DECR2: variants seen among roughly 807,000 people sequenced by gnomAD.
DECR2 encodes peroxisomal 2,4-dienoyl-CoA reductase [(3E)-enoyl-CoA-producing].
Under a neutral mutation model 29.2 loss-of-function variants are expected in DECR2, and 34 were observed. That is an observed-to-expected ratio of 1.16 (90% CI 0.89 to 1.55). The LOEUF (loss-of-function observed/expected upper bound fraction) is 1.55, where lower values mean the gene tolerates loss of function less well. Among genes scored for constraint, DECR2 ranks in the 40% most tolerant of loss-of-function variants. The probability of loss-of-function intolerance (pLI) is 0.00; values close to 1 mark genes in which losing one functional copy is unlikely to be tolerated. For missense variants in DECR2, 485 were observed against 425.3 expected (o/e 1.14, Z -1.23); for synonymous variants, 224 against 182.7 (o/e 1.23, Z -1.82).
rs867053311 is a variant in DECR2 at position 401,991 on chromosome 16, G to T, written c.28G>T (p.Gly10Trp). MAQPPPDVE[G>W]DDCLPAYRHL... The stretch of plus-strand genomic sequence containing the variant: ...GGCCCAGCCGCCGCCCGACGTGGAG[G>T]GGGACGACTGTCTCCCCGCGTACCG... The change falls in exon 1 of 9, where the codon GGG becomes TGG. Residue 10 changes from glycine (G) to tryptophan (W), a missense_variant. Transcript: ENST00000219481. 1 of 1,490,754 alleles carries T rather than the reference G, an allele frequency of 6.7e-7. No homozygotes were observed. The highest frequency in any genetic ancestry group is 8.9e-7 in the Non-Finnish European group (1 of 1,128,418). The allele number at this position is 1,490,754 out of a possible 1,614,324, so 92.3% of individuals were successfully genotyped here. A position where few individuals can be genotyped will look rare whatever the true frequency, so the allele number is the denominator to read the frequency against.
In DECR2 at chr16:411,175, G is replaced by A. The variant is rs532710219; in HGVS notation, c.661+99G>A. 8 of 1,288,950 alleles carry A rather than the reference G, an allele frequency of 6.2e-6. No individual in the cohort carries two copies. The Middle Eastern group carries it at 9.5e-4, about 153-fold the overall frequency. 79.8% of individuals were successfully genotyped at this position (1,288,950 alleles called of 1,614,324 possible). A position where few individuals can be genotyped will look rare whatever the true frequency, so the allele number is the denominator to read the frequency against. On this transcript the variant is annotated intron_variant, in intron 7 of 8. Transcript: ENST00000219481. ...ACCTTGGCAGGGTGTATGTTGAAAAGCCCTGTGCTGGTTCCATGGTGGCAA... is the reference window on the plus strand; with the variant it reads ...ACCTTGGCAGGGTGTATGTTGAAAAACCCTGTGCTGGTTCCATGGTGGCAA...
chr16:410,351 A>C lies in DECR2; in HGVS notation c.446A>C (p.Tyr149Ser). The change falls in exon 5 of 9, where the codon TAT becomes TCT. Residue 149 changes from tyrosine to serine, a missense_variant. Coordinates refer to ENST00000219481, the MANE Select transcript of DECR2 (RefSeq NM_020664.4). This position sits in a 1 kb window ranked among gnomAD's most constrained non-coding sequence, Gnocchi z 4.1. ...ACCTTCAATGTGTCTCGTGTGCTCT[A>C]TGAGAAGTTCTTCCGGGTGGGTGCC... ...SGTFNVSRVL[Y>S]EKFFRDHGGV... 6.2e-7 allele frequency: 1 copy of C among 1,608,008 alleles called. No homozygotes were observed. Among genetic ancestry groups the C allele is most frequent in the Non-Finnish European group, 8.5e-7 (1 of 1,176,490 alleles).
intron 3 of DECR2, chr16:406,783 A>C: frequency 1.4e-6 from 1 of 724,562 alleles, no homozygotes; most frequent in Non-Finnish European, 1.8e-6. Flanking sequence ...TACAGGTGTG[A>C]ACCACTGTGC....
In DECR2 at chr16:411,367, C is replaced by G; in HGVS notation, c.668C>G (p.Pro223Arg). 1 of 1,606,720 alleles carries G rather than the reference C, an allele frequency of 6.2e-7. No individual in the cohort carries two copies. Among genetic ancestry groups the G allele is most frequent in the Non-Finnish European group, 8.5e-7 (1 of 1,179,016 alleles). ...GTEGLRRLGG[P>R]QASLSTKVTA... ...GCCTTCTGCTGCCCTCCAGGTGGCCCTCAGGCCAGCCTGAGCACCAAGGTC... is the reference window on the plus strand; with the variant it reads ...GCCTTCTGCTGCCCTCCAGGTGGCCGTCAGGCCAGCCTGAGCACCAAGGTC... Residue 223 changes from proline (P) to arginine (R), a missense_variant, in exon 8 of 9, where the codon CCT becomes CGT. Physicochemically the swap from Pro to Arg is moderately radical, Grantham distance 103. Transcript: ENST00000219481.
chr16:407,702 A>G, intron 4 of DECR2, 142 bp downstream of exon 4: 3 of 1,348,498 alleles, frequency 2.2e-6, no homozygotes, highest in Middle Eastern at 2.5e-4. Flanking sequence ...CCATCCAGGT[A>G]CCTGAGGCCA....
At position 402,030 on chromosome 16, in the gene DECR2, C is replaced by G. The variant is rs755397136; in HGVS notation, c.67C>G (p.Pro23Ala). Residue 23 changes from proline to alanine, a missense_variant, in exon 1 of 9, where the codon CCG becomes GCG. Physicochemically the swap from Pro to Ala is conservative, Grantham distance 27. Coordinates refer to ENST00000219481, the MANE Select transcript of DECR2 (RefSeq NM_020664.4). ...CCCCGCGTACCGCCACCTCTTCTGC[C>G]CGGACCTGCTGCGGTGAGCGGGGCC... ...CLPAYRHLFC[P>A]DLLRDKVAFI... is the part of the protein sequence containing the mutation. 1 of 1,474,922 alleles carries G rather than the reference C, an allele frequency of 6.8e-7. No individual in the cohort carries two copies. Among genetic ancestry groups the G allele is most frequent in the South Asian group, 1.3e-5 (1 of 77,278 alleles). The allele number at this position is 1,474,922 out of a possible 1,614,324, so 91.4% of individuals were successfully genotyped here.
intron 2 of DECR2, chr16:405,636 A>G (rs2054715491): frequency 1.5e-6 from 2 of 1,291,978 alleles, no homozygotes; most frequent in Non-Finnish European, 2.0e-6. Context: ...CCAAAGAACA[A>G]GGCAGACAGA....
chr16:404,275 G>A (rs1438785144), intron 1 of DECR2, among the ~76,000 whole-genome samples: 2 of 151,666 alleles, frequency 1.3e-5, no homozygotes, highest in African/African-American at 2.4e-5. Context: ...TTTCGCTCTT[G>A]TTGCCCAGGC....
chr16:410,378 C>T lies in DECR2; in HGVS notation c.462+11C>T, dbSNP rs767288280. The T allele has an allele frequency of 2.3e-5, 36 of 1,589,916 alleles. No homozygotes were observed. Among genetic ancestry groups the T allele is most frequent in the South Asian group, 1.0e-4 (9 of 88,984 alleles). ...GAGAAGTTCTTCCGGGTGGGTGCCT[C>T]GTGCGCTCTGTGAGAAGTTCTTCCG... On this transcript the variant is annotated intron_variant, in intron 5 of 8. Transcript: ENST00000219481. This position sits in a 1 kb window ranked among gnomAD's most constrained non-coding sequence, Gnocchi z 4.1.
At position 411,085 on chromosome 16, in the gene DECR2, C is replaced by T; in HGVS notation, c.661+9C>T. 1.3e-6 allele frequency: 2 copies of T among 1,505,064 alleles called. No homozygotes were observed. Among genetic ancestry groups the T allele is most frequent in the Non-Finnish European group, 1.8e-6 (2 of 1,130,124 alleles). The allele number at this position is 1,505,064 out of a possible 1,614,324, so 93.2% of individuals were successfully genotyped here. On this transcript the variant is annotated intron_variant, in intron 7 of 8. Coordinates refer to ENST00000219481, the MANE Select transcript of DECR2 (RefSeq NM_020664.4). ...GGGGCTCCGGCGACTGGGTAAGGCTCTCAGGGAGCCCAGGCCTCCCACAGA... is the reference window on the plus strand; with the variant it reads ...GGGGCTCCGGCGACTGGGTAAGGCTTTCAGGGAGCCCAGGCCTCCCACAGA...
chr16:411,315 C>T, intron 7 of DECR2, 46 bp from the exon 8 acceptor site: 2 of 1,556,694 alleles, frequency 1.3e-6, no homozygotes, highest in African/African-American at 1.3e-5. Context: ...GGGGAGGGTG[C>T]TGGGTCTTGG....
chr16:410,046 TCTC>T lies in DECR2; in HGVS notation c.338-196_338-194del. The T allele has an allele frequency of 1.4e-6, 1 of 690,558 alleles. No individual in the cohort carries two copies. Among genetic ancestry groups the T allele is most frequent in the Non-Finnish European group, 2.3e-6 (1 of 432,306 alleles). The allele number at this position is 690,558 out of a possible 1,614,324, so 42.8% of individuals were successfully genotyped here. A position where few individuals can be genotyped will look rare whatever the true frequency, so the allele number is the denominator to read the frequency against. ...GCCAGGGCTTCAGCATGTCTTCTCT[TCTC>T]GGGGACACAGTGCAGCCAGGACGCC... is the stretch of plus-strand genomic sequence containing the variant. On this transcript the variant is annotated intron_variant, in intron 4 of 8. Coordinates refer to ENST00000219481, the MANE Select transcript of DECR2 (RefSeq NM_020664.4). This position sits in a 1 kb window ranked among gnomAD's most constrained non-coding sequence, Gnocchi z 4.1.
intron 4 of DECR2, among the ~76,000 whole-genome samples, chr16:408,348 C>A (rs1301407568): frequency 4.6e-5 from 7 of 151,968 alleles, no homozygotes; most frequent in Non-Finnish European, 8.8e-5. Context: ...TGTCTCCAGG[C>A]CTTTGTGTCC....
At chr16:405,222 C>A (rs1024037508) in intron 2 of DECR2, 198 bp downstream of exon 2, 2 of 652,452 alleles carry the variant, frequency 3.1e-6, no homozygotes, top group Non-Finnish European at 5.2e-6. Flanking sequence ...AAGGCCCCTA[C>A]AGGTCAGTGG....
At chr16:411,716 A>C (rs2054822142) in intron 8 of DECR2, 138 bp downstream of exon 8, 2 of 940,544 alleles carry the variant, frequency 2.1e-6, no homozygotes, top group Non-Finnish European at 3.1e-6. Context: ...GCCTGCCCAC[A>C]CATGGGTGCT....
chr16:401,934 G>T lies in DECR2; in HGVS notation c.-30G>T. On this transcript the variant is annotated 5_prime_UTR_variant, in exon 1 of 9. Transcript: ENST00000219481. ...CTGGAGGCCGAGGCCGCTCCCGCCC[G>T]TTGTCCCCGCAGTCCCCGACGGGAG... 1 of 1,474,812 alleles carries T rather than the reference G, an allele frequency of 6.8e-7. No homozygotes were observed. The highest frequency in any genetic ancestry group is 8.9e-7 in the Non-Finnish European group (1 of 1,119,594). The allele number at this position is 1,474,812 out of a possible 1,614,324, so 91.4% of individuals were successfully genotyped here. A position where few individuals can be genotyped will look rare whatever the true frequency, so the allele number is the denominator to read the frequency against.
In DECR2 at chr16:411,460, G is replaced by T; in HGVS notation, c.761G>T (p.Ser254Ile). The T allele has an allele frequency of 6.2e-7, 1 of 1,613,864 alleles. No individual in the cohort carries two copies. The highest frequency in any genetic ancestry group is 8.5e-7 in the Non-Finnish European group (1 of 1,180,020). The change falls in exon 8 of 9, where the codon AGC becomes ATC. Residue 254 changes from serine to isoleucine, a missense_variant. By Grantham distance (142) the Ser-to-Ile change is moderately radical. Transcript: ENST00000219481. ...GCCCACAGCGTGCTCTACCTGGCCA[G>T]CCCTCTGGCTTCCTACGTGACGGGG... is the stretch of plus-strand genomic sequence containing the variant. ...EIAHSVLYLA[S>I]PLASYVTGAV...
At position 410,782 on chromosome 16, in the gene DECR2, T is replaced by C; in HGVS notation, c.554T>C (p.Val185Ala). 1.3e-6 allele frequency: 2 copies of C among 1,592,408 alleles called. No homozygotes were observed. The highest frequency in any genetic ancestry group is 1.7e-6 in the Non-Finnish European group (2 of 1,171,146). Residue 185 changes from valine (V) to alanine (A), a missense_variant and splice_region_variant, in exon 6 of 9, where the codon GTG (valine) becomes GCG (alanine). Val to Ala is a moderately conservative substitution (Grantham distance 64). Coordinates refer to ENST00000219481, the MANE Select transcript of DECR2 (RefSeq NM_020664.4). This position sits in a 1 kb window ranked among gnomAD's most constrained non-coding sequence, Gnocchi z 4.1. ...QVHAGSAKAA[V>A]DAMTRHLAVE... Reference sequence around the variant, plus strand: ...CATGCAGGCTCCGCCAAGGCCGCTGTGGGTATGACCACCCCCCCCCGCCCA... The same window carrying C: ...CATGCAGGCTCCGCCAAGGCCGCTGCGGGTATGACCACCCCCCCCCGCCCA...
At chr16:403,750 C>T (rs904058875) in intron 1 of DECR2, among the ~76,000 whole-genome samples, 1 of 152,206 alleles carries the variant, frequency 6.6e-6, no homozygotes, top group African/African-American at 2.4e-5. Context: ...CTCTGGCATG[C>T]ACCTGTAGTC....
Sources: gnomAD v4.1 joint callset for allele counts (sites outside exome capture counted in the v4.1 genomes callset) on GRCh38, gnomAD v4.1.1 for gene constraint, Gnocchi (gnomAD v3.1) non-coding constraint, MANE v1.5 for transcripts, NCBI Gene and HGNC (gene_info 2026-07-23, HGNC 2026-07-21) for gene names.